LAMB4: variants seen among roughly 807,000 people sequenced by gnomAD.
LAMB4 encodes laminin subunit beta-4.
A neutral mutation model predicts 199.2 loss-of-function variants in LAMB4; 196 were observed. The ratio of observed to expected loss-of-function variants is 0.98; its 90% CI spans 0.88 to 1.11. LAMB4 has a LOEUF of 1.11. LAMB4 is among the 50% of genes least tolerant of loss of function. LAMB4 has a pLI of 0.00. For missense variants in LAMB4, 2,080 were observed against 2,171.2 expected, an observed-to-expected ratio of 0.96 and a Z score of 0.83; for synonymous variants, 744 against 770.6, an observed-to-expected ratio of 0.97 and a Z score of 0.57.
At chr7:108,069,203 T>C (rs1314202498) in intron 18 of LAMB4, among the ~76,000 whole-genome samples, 2 of 152,204 alleles carry the variant, frequency 1.3e-5, no homozygotes, top group African/African-American at 4.8e-5. Context: ...TTTTTGGATG[T>C]CACAACTAGG....
chr7:108,115,867 G>T, intron 3 of LAMB4, 137 bp downstream of exon 3: 1 of 912,714 alleles, frequency 1.1e-6, no homozygotes. Context: ...GGATACTGAG[G>T]GACAACTGCA....
Position 108,105,985 on chromosome 7 carries a change from G to A in LAMB4, c.702C>T (p.His234=), listed in dbSNP as rs2037994874. ...TNLRINFTKL[H]TLGDALLGRR... ...TTCCAAGCAAAGCATCCCCAAGGGT[G>A]TGGAGCTTGGTAAAGTTTATCCTCA... Residue 234 remains histidine (H), a synonymous_variant, in exon 8 of 34, where the codon CAC becomes CAT. Coordinates refer to ENST00000388781, the MANE Select transcript of LAMB4 (RefSeq NM_007356.3). 6.2e-7 allele frequency: 1 copy of A among 1,614,204 alleles called. No homozygotes were observed. The highest frequency in any genetic ancestry group is 1.1e-5 in the South Asian group (1 of 91,080).
At position 108,126,554 on chromosome 7, in the gene LAMB4, CTTTTTTTTTT is replaced by C. The variant is rs71137605; in HGVS notation, c.-33-3367_-33-3358del. ...TTGTAGGATGTGTCAGAATTTCTTT[CTTTTTTTTTT>C]TTTTTTTTTTTGAGACGGAGTCTCG... On this transcript the variant is annotated intron_variant, in intron 1 of 33. Transcript: ENST00000388781. 1.6e-3 allele frequency among the ~76,000 whole-genome samples: 130 copies of C among 83,544 alleles called. 1 individual carries two copies. The highest frequency in any genetic ancestry group is 6.4e-3 in the African/African-American group (128 of 19,846). The allele number at this position is 83,544 out of a possible 152,430, so 54.8% of individuals were successfully genotyped here. A position where few individuals can be genotyped will look rare whatever the true frequency, so the allele number is the denominator to read the frequency against.
intron 33 of LAMB4, among the ~76,000 whole-genome samples, chr7:108,027,886 G>A (rs1000024748): frequency 2.6e-5 from 4 of 152,026 alleles, no homozygotes; most frequent in East Asian, 1.9e-4. Context: ...GGGTTCAAGC[G>A]ATTCTCCTGC....
intron 24 of LAMB4, among the ~76,000 whole-genome samples, chr7:108,056,820 A>G (rs556393142): frequency 8.4e-4 from 128 of 152,158 alleles, no homozygotes; most frequent in Middle Eastern, 3.4e-3. Flanking sequence ...AAATACAAAA[A>G]TTAGCCAGGT....
the LAMB4 span, among the ~76,000 whole-genome samples, chr7:108,013,926 G>A: frequency 2.8e-4 from 43 of 152,062 alleles, 1 homozygote; most frequent in African/African-American, 9.4e-4. Flanking sequence ...GGTTGTAGGT[G>A]GGGAGCTGTA....
the LAMB4 span, among the ~76,000 whole-genome samples, chr7:108,012,060 CAAAATATAA>C: frequency 1.3e-5 from 2 of 149,012 alleles, no homozygotes; most frequent in African/African-American, 5.0e-5. Context: ...TTTCTATAAA[CAAAATATAA>C]ACATATTTAT....
At chr7:108,055,469 G>A (rs1563051448) in intron 25 of LAMB4, among the ~76,000 whole-genome samples, 163 bp downstream of exon 25, 1 of 152,196 alleles carries the variant, frequency 6.6e-6, no homozygotes, top group African/African-American at 2.4e-5. Context: ...TTACAAGCGT[G>A]AGCTATGGCG....
chr7:108,104,459 G>A lies in LAMB4; in HGVS notation c.991+40C>T, dbSNP rs752992776. On this transcript the variant is annotated intron_variant, in intron 9 of 33. Transcript: ENST00000388781. The stretch of plus-strand genomic sequence containing the variant: ...AGTGTTTCTTAAATAAGGAAATGCA[G>A]AGCACACTCAGTCTATGCAGGGAAC... The A allele has an allele frequency of 5.0e-6, 8 of 1,611,616 alleles. No individual in the cohort carries two copies. The Admixed American group carries it at 6.7e-5, about 13-fold the overall frequency.
At chr7:108,047,603 T>TG (rs1563044611) in intron 28 of LAMB4, among the ~76,000 whole-genome samples, 1 of 152,172 alleles carries the variant, frequency 6.6e-6, no homozygotes, top group Admixed American at 6.5e-5. Flanking sequence ...AGTTAAATTT[T>TG]GGGGGAGTCA....
chr7:108,041,147 G>T (rs1350834735), intron 29 of LAMB4, among the ~76,000 whole-genome samples: 1 of 152,146 alleles, frequency 6.6e-6, no homozygotes, highest in Non-Finnish European at 1.5e-5. Flanking sequence ...ATGAAAAAAA[G>T]CTCAACATCA....
At position 108,124,913 on chromosome 7, in the gene LAMB4, T is replaced by G. The variant is rs1254838064; in HGVS notation, c.-33-1716A>C. 2.0e-5 allele frequency among the ~76,000 whole-genome samples: 3 copies of G among 152,146 alleles called. No homozygotes were observed. In the East Asian group the frequency reaches 5.8e-4, roughly 29 times the overall value. On this transcript the variant is annotated intron_variant, in intron 1 of 33. Coordinates refer to ENST00000388781, the MANE Select transcript of LAMB4 (RefSeq NM_007356.3). The stretch of plus-strand genomic sequence containing the variant: ...GTTTCCTTTGCCTTGAATGTCACCC[T>G]CCTAAGCCCAAATGTCAGCCTCCCT...
chr7:108,099,158 A>C (rs2037732414), intron 10 of LAMB4, among the ~76,000 whole-genome samples: 1 of 152,212 alleles, frequency 6.6e-6, no homozygotes, highest in South Asian at 2.1e-4. Flanking sequence ...CACCTGTAAG[A>C]AGGAAAGGGA....
chr7:108,064,057 T>A (rs2036256815), intron 21 of LAMB4, 72 bp from the exon 22 acceptor site: 1 of 1,099,056 alleles, frequency 9.1e-7, no homozygotes, highest in Non-Finnish European at 1.4e-6. Context: ...ATGGATGTTG[T>A]AAATAGAAAA....
At chr7:108,101,755 G>T (rs1584754603) in intron 10 of LAMB4, among the ~76,000 whole-genome samples, 1 of 152,172 alleles carries the variant, frequency 6.6e-6, no homozygotes, top group African/African-American at 2.4e-5. Flanking sequence ...TGTGCAAGCA[G>T]CAAGTGTTAG....
At chr7:108,095,423 C>A in intron 11 of LAMB4, 86 bp from the exon 12 acceptor site, 1 of 975,054 alleles carries the variant, frequency 1.0e-6, no homozygotes. Context: ...AAGCAAGAAG[C>A]ATAACCGCAA....
intron 26 of LAMB4, among the ~76,000 whole-genome samples, chr7:108,050,628 T>C (rs906992844): frequency 9.9e-5 from 15 of 152,226 alleles, no homozygotes; most frequent in Non-Finnish European, 1.9e-4. Flanking sequence ...CTTTACTCCC[T>C]ATAGAACCAT....
chr7:108,111,977 A>G, intron 3 of LAMB4, 31 bp from the exon 4 acceptor site: 1 of 1,564,966 alleles, frequency 6.4e-7, no homozygotes, highest in Non-Finnish European at 8.7e-7. Context: ...AATTAAAAAT[A>G]AAAATTGGAA....
chr7:108,106,592 A>G lies in LAMB4; in HGVS notation c.592-20T>C, dbSNP rs1584765172. On this transcript the variant is annotated intron_variant, in intron 6 of 33. Transcript: ENST00000388781. The stretch of plus-strand genomic sequence containing the variant: ...AACAACCTGTAAAACAAATATAGAT[A>G]CATTTATAGTATATTACCTGAAAAC... 5.3e-6 allele frequency: 7 copies of G among 1,323,702 alleles called. No individual in the cohort carries two copies. The highest frequency in any genetic ancestry group is 1.1e-6 in the Non-Finnish European group (1 of 930,570). The allele number at this position is 1,323,702 out of a possible 1,614,324, so 82.0% of individuals were successfully genotyped here. A position where few individuals can be genotyped will look rare whatever the true frequency, so the allele number is the denominator to read the frequency against.
Sources: allele counts gnomAD v4.1 joint callset (sites outside exome capture counted in the v4.1 genomes callset), GRCh38; gene constraint gnomAD v4.1.1; transcripts MANE v1.5; gene names NCBI Gene and HGNC (gene_info 2026-07-23, HGNC 2026-07-21).